Variants in PPM1L observed in about 807,000 individuals in gnomAD.
The protein encoded by PPM1L is protein phosphatase, Mg2+/Mn2+ dependent 1L, also known as protein phosphatase 1L.
PPM1L carries 13 observed loss-of-function variants against 31.4 expected under a neutral mutation model. The ratio of observed to expected loss-of-function variants is 0.41; its 90% CI spans 0.27 to 0.66. PPM1L has a LOEUF of 0.66. Ranked by LOEUF, PPM1L falls within the 30% of genes least tolerant of loss-of-function variation. PPM1L has a pLI of 0.29. For synonymous variants in PPM1L, 184 were observed against 175.4 expected, an observed-to-expected ratio of 1.05 and a Z score of -0.39; for missense variants, 326 against 453.7, an observed-to-expected ratio of 0.72 and a Z score of 2.56.
rs76888532 is a variant in PPM1L at position 160,987,168 on chromosome 3, G to A, written c.574+25258G>A. Among the ~76,000 whole-genome samples, 23 of 152,296 alleles carry A rather than the reference G, an allele frequency of 1.5e-4. No homozygotes were observed. The East Asian group carries it at 4.4e-3, about 29-fold the overall frequency. On this transcript the variant is annotated intron_variant, in intron 2 of 3. Coordinates refer to ENST00000498165, the MANE Select transcript of PPM1L (RefSeq NM_139245.4). ...CAAGTAGTGTAGCAGTGGGCCACAG[G>A]ACTAGAAAGGTATGCTGGAGCCAGA...
chr3:161,046,682 A>T (rs2108094311), intron 2 of PPM1L, among the ~76,000 whole-genome samples: 1 of 152,328 alleles, frequency 6.6e-6, no homozygotes, highest in African/African-American at 2.4e-5. Flanking sequence ...TCAATGCAAA[A>T]ATCCTCAGTA....
intron 1 of PPM1L, among the ~76,000 whole-genome samples, chr3:160,882,711 A>C (rs1037025138): frequency 6.6e-6 from 1 of 152,212 alleles, no homozygotes; most frequent in African/African-American, 2.4e-5. Flanking sequence ...AAAAGTATAT[A>C]AATGAAAAGT....
chr3:161,022,142 T>G (rs1405014698), intron 2 of PPM1L: 2 of 683,388 alleles, frequency 2.9e-6, no homozygotes, highest in Non-Finnish European at 5.3e-6. Flanking sequence ...ATTTTTTTTT[T>G]TTTTACCCTT....
chr3:160,864,417 T>G (rs1560130998), intron 1 of PPM1L, among the ~76,000 whole-genome samples: 2 of 152,150 alleles, frequency 1.3e-5, no homozygotes, highest in Non-Finnish European at 1.5e-5. Context: ...GCCCAAGCAG[T>G]CTGCCCACCT....
chr3:161,005,829 G>A (rs890899535), intron 2 of PPM1L, among the ~76,000 whole-genome samples: 2 of 152,078 alleles, frequency 1.3e-5, no homozygotes, highest in Admixed American at 6.6e-5. Flanking sequence ...TTAAATTTCA[G>A]AAGGTGCAAA....
chr3:161,060,656 A>G (rs1366542320), intron 2 of PPM1L, among the ~76,000 whole-genome samples: 1 of 152,000 alleles, frequency 6.6e-6, no homozygotes, highest in South Asian at 2.1e-4. Context: ...TCTGAGGCTT[A>G]AAAGTCAAAT....
At chr3:161,034,646 A>G (rs534408335) in intron 2 of PPM1L, among the ~76,000 whole-genome samples, 5 of 151,956 alleles carry the variant, frequency 3.3e-5, no homozygotes, top group Admixed American at 2.6e-4. Context: ...AAACAATGAG[A>G]ACACATGGAC....
intron 1 of PPM1L, among the ~76,000 whole-genome samples, chr3:160,834,316 C>A (rs1194170604): frequency 6.6e-6 from 1 of 152,046 alleles, no homozygotes; most frequent in African/African-American, 2.4e-5. Context: ...AGCCACCGTG[C>A]CCGGCCTTAA....
intron 2 of PPM1L, among the ~76,000 whole-genome samples, chr3:160,994,935 G>A (rs1717259372): frequency 6.6e-6 from 1 of 152,136 alleles, no homozygotes; most frequent in Admixed American, 6.5e-5. Context: ...GGCGCTCCAG[G>A]CAAGTTACCA....
chr3:161,078,715 ACG>A lies in PPM1L; in HGVS notation c.*9559_*9560del, dbSNP rs749575452. The A allele has an allele frequency of 4.6e-5, 7 of 152,196 alleles. No homozygotes were observed. The highest frequency in any genetic ancestry group is 8.8e-5 in the Non-Finnish European group (6 of 68,026). The allele number at this position is 152,196 out of a possible 1,614,324, so 9.4% of individuals were successfully genotyped here. A position where few individuals can be genotyped will look rare whatever the true frequency, so the allele number is the denominator to read the frequency against. ...TAGAGCTCAGAGTATATGGCAGTGC[ACG>A]GTCACTCAAGATGCATGGCGTGTCA... On this transcript the variant is annotated 3_prime_UTR_variant, in exon 4 of 4. Transcript: ENST00000498165.
chr3:161,073,074 G>A lies in PPM1L; in HGVS notation c.*3917G>A, dbSNP rs768077169. The A allele has an allele frequency of 1.3e-5, 2 of 152,212 alleles. No individual in the cohort carries two copies. Among genetic ancestry groups the A allele is most frequent in the Non-Finnish European group, 2.9e-5 (2 of 68,036 alleles). 9.4% of individuals were successfully genotyped at this position (152,212 alleles called of 1,614,324 possible). A position where few individuals can be genotyped will look rare whatever the true frequency, so the allele number is the denominator to read the frequency against. On this transcript the variant is annotated 3_prime_UTR_variant, in exon 4 of 4. Coordinates refer to ENST00000498165, the MANE Select transcript of PPM1L (RefSeq NM_139245.4). ...AGCTGTAGAAATAATAGAATCCAGTGTTTCCCAAAGTGTGTTCCAAAGAAC... is the reference window on the plus strand; with the variant it reads ...AGCTGTAGAAATAATAGAATCCAGTATTTCCCAAAGTGTGTTCCAAAGAAC...
At chr3:160,879,733 G>A (rs1435424600) in intron 1 of PPM1L, among the ~76,000 whole-genome samples, 2 of 152,176 alleles carry the variant, frequency 1.3e-5, no homozygotes, top group Admixed American at 1.3e-4. Flanking sequence ...AGATTTCTAT[G>A]TCCCACACCT....
intron 2 of PPM1L, among the ~76,000 whole-genome samples, chr3:160,977,169 G>GTTTC (rs919824590): frequency 6.6e-6 from 1 of 152,072 alleles, no homozygotes; most frequent in African/African-American, 2.4e-5. Flanking sequence ...TTATCTTTGT[G>GTTTC]TTTCCTTAGT....
At chr3:161,002,995 CA>C (rs1717555851) in intron 2 of PPM1L, among the ~76,000 whole-genome samples, 1 of 150,574 alleles carries the variant, frequency 6.6e-6, no homozygotes, top group Non-Finnish European at 1.5e-5. Flanking sequence ...GTCTTTAATC[CA>C]TCTTGAATTG....
chr3:160,997,285 C>T (rs1268664326), intron 2 of PPM1L, among the ~76,000 whole-genome samples: 2 of 152,088 alleles, frequency 1.3e-5, no homozygotes, highest in Admixed American at 6.6e-5. Context: ...CAACAAGGAG[C>T]AGGAGTTGGA....
chr3:160,815,230 C>G (rs1203611079), intron 1 of PPM1L, among the ~76,000 whole-genome samples: 1 of 152,128 alleles, frequency 6.6e-6, no homozygotes, highest in Non-Finnish European at 1.5e-5. Context: ...TGCCTTTCTT[C>G]TTATTTCTGC....
At chr3:160,858,404 G>A (rs1473258300) in intron 1 of PPM1L, among the ~76,000 whole-genome samples, 4 of 151,948 alleles carry the variant, frequency 2.6e-5, no homozygotes, top group South Asian at 2.1e-4. Flanking sequence ...CTGCCACCAC[G>A]CCCAGCTAAT....
intron 1 of PPM1L, among the ~76,000 whole-genome samples, chr3:160,937,512 T>G (rs1240961636): frequency 1.3e-5 from 2 of 151,914 alleles, no homozygotes; most frequent in East Asian, 3.9e-4. Flanking sequence ...CCCAGCTACT[T>G]GGGAGGCTAA....
At chr3:160,846,836 C>G (rs753364314) in intron 1 of PPM1L, among the ~76,000 whole-genome samples, 2 of 152,076 alleles carry the variant, frequency 1.3e-5, no homozygotes, top group Non-Finnish European at 2.9e-5. Context: ...TCTAATTCTA[C>G]ATTGTTATTT....
Sources: gnomAD v4.1 joint callset for allele counts (sites outside exome capture counted in the v4.1 genomes callset) on GRCh38, gnomAD v4.1.1 for gene constraint, MANE v1.5 for transcripts, NCBI Gene and HGNC (gene_info 2026-07-23, HGNC 2026-07-21) for gene names.